RUFY3: variants seen among roughly 807,000 people sequenced by gnomAD.
RUFY3 encodes the protein protein RUFY3.
A neutral mutation model predicts 84.0 loss-of-function variants in RUFY3; 34 were observed. That is an observed-to-expected ratio of 0.40 (90% confidence interval 0.31 to 0.54). RUFY3 has a LOEUF of 0.54. Among genes scored for constraint, RUFY3 ranks in the 20% least tolerant of loss-of-function variants. The probability of loss-of-function intolerance (pLI) is 0.39; values close to 1 mark genes in which losing one functional copy is unlikely to be tolerated. For missense variants in RUFY3, 507 were observed against 736.8 expected (o/e 0.69, Z 3.61); for synonymous variants, 242 against 252.9 (o/e 0.96, Z 0.41).
At chr4:70,755,470 C>T (rs1723847309) in intron 1 of RUFY3, among the ~76,000 whole-genome samples, 1 of 152,134 alleles carries the variant, frequency 6.6e-6, no homozygotes, top group African/African-American at 2.4e-5. Context: ...GATAAAATGG[C>T]ACCTTGGTGA....
At chr4:70,712,149 A>T (rs1299807541) in intron 1 of RUFY3, among the ~76,000 whole-genome samples, 3 of 152,134 alleles carry the variant, frequency 2.0e-5, no homozygotes, top group Non-Finnish European at 4.4e-5. Flanking sequence ...GCTCTTCATT[A>T]TATAACAATT....
At chr4:70,711,317 A>G (rs554898757) in intron 1 of RUFY3, among the ~76,000 whole-genome samples, 18 of 151,954 alleles carry the variant, frequency 1.2e-4, no homozygotes, top group Non-Finnish European at 2.2e-4. Context: ...GAAAAGGCAA[A>G]AGTACTTTAT....
At chr4:70,791,985 A>G (rs895923367) in intron 12 of RUFY3, 17 of 984,242 alleles carry the variant, frequency 1.7e-5, no homozygotes, top group Non-Finnish European at 2.1e-5. Context: ...TAATTAGGTA[A>G]CCTATGATAA....
intron 15 of RUFY3, among the ~76,000 whole-genome samples, chr4:70,800,669 A>C (rs951497541): frequency 2.6e-5 from 4 of 152,142 alleles, no homozygotes; most frequent in Non-Finnish European, 5.9e-5. Flanking sequence ...GGATCACCTG[A>C]GATTAGAAGT....
intron 9 of RUFY3, 62 bp downstream of exon 9, chr4:70,783,245 G>A (rs1729239779): frequency 1.9e-6 from 2 of 1,057,070 alleles, no homozygotes; most frequent in Non-Finnish European, 2.9e-6. Flanking sequence ...AGTGGTAAAG[G>A]GGAGTCTCTA....
intron 1 of RUFY3, among the ~76,000 whole-genome samples, chr4:70,713,877 C>T (rs527700879): frequency 3.6e-4 from 55 of 152,316 alleles, no homozygotes; most frequent in African/African-American, 1.3e-3. Context: ...CTCCTTTTTA[C>T]TTTCCTTTGC....
intron 12 of RUFY3, among the ~76,000 whole-genome samples, chr4:70,790,441 A>C (rs951020978): frequency 5.3e-5 from 8 of 151,966 alleles, no homozygotes; most frequent in Non-Finnish European, 1.0e-4. Context: ...TTTCCCATTT[A>C]TTTCTTTCCC....
At chr4:70,767,408 C>T (rs1206061933) in intron 4 of RUFY3, among the ~76,000 whole-genome samples, 2 of 151,008 alleles carry the variant, frequency 1.3e-5, no homozygotes, top group Non-Finnish European at 3.0e-5. Flanking sequence ...CTGCGCCTGG[C>T]GATAGCTCCC....
intron 1 of RUFY3, among the ~76,000 whole-genome samples, chr4:70,724,318 G>T (rs7673552): frequency 6.6e-6 from 1 of 152,012 alleles, no homozygotes; most frequent in South Asian, 2.1e-4. Flanking sequence ...ATGTATTCCC[G>T]TCCAATTTGA....
At chr4:70,774,991 T>G (rs1171473258) in intron 6 of RUFY3, among the ~76,000 whole-genome samples, 177 bp from the exon 7 acceptor site, 2 of 152,084 alleles carry the variant, frequency 1.3e-5, no homozygotes, top group East Asian at 3.9e-4. Context: ...TTTAAACTCC[T>G]GACTCTTTCT....
In RUFY3 at chr4:70,762,547, C is replaced by T; in HGVS notation, c.207C>T (p.Arg69=). 6.2e-7 allele frequency: 1 copy of T among 1,612,838 alleles called. No homozygotes were observed. The highest frequency in any genetic ancestry group is 8.5e-7 in the Non-Finnish European group (1 of 1,179,144). The part of the protein sequence containing the change: ...EDPNYLMANE[R]MNLMNMAKLS... ...CTAATTATCTCATGGCTAATGAACG[C>T]ATGAACCTCATGAACATGGCCAAGC... The change falls in exon 2 of 18, where the codon CGC becomes CGT. Residue 69 remains arginine (R), a synonymous_variant. Transcript: ENST00000381006.
intron 8 of RUFY3, among the ~76,000 whole-genome samples, chr4:70,781,278 G>C (rs1351770899): frequency 6.6e-6 from 1 of 152,142 alleles, no homozygotes; most frequent in Non-Finnish European, 1.5e-5. Flanking sequence ...GAGGCCAAGA[G>C]TTCAAGATTA....
chr4:70,788,388 G>T (rs1276299078), intron 10 of RUFY3, among the ~76,000 whole-genome samples: 1 of 152,028 alleles, frequency 6.6e-6, no homozygotes, highest in East Asian at 1.9e-4. Context: ...GGTTCCCTGG[G>T]CTCTTGAATA....
At chr4:70,758,189 T>C (rs1724360789) in intron 1 of RUFY3, among the ~76,000 whole-genome samples, 1 of 152,224 alleles carries the variant, frequency 6.6e-6, no homozygotes, top group Non-Finnish European at 1.5e-5. Flanking sequence ...CTCCATACTC[T>C]GTCAGGTCAT....
intron 1 of RUFY3, among the ~76,000 whole-genome samples, chr4:70,730,693 T>G (rs1719104830): frequency 6.6e-6 from 1 of 151,994 alleles, no homozygotes; most frequent in Admixed American, 6.6e-5. Flanking sequence ...GAGCCGAGAT[T>G]GCACCACCGC....
intron 1 of RUFY3, among the ~76,000 whole-genome samples, chr4:70,744,647 A>C (rs995521550): frequency 1.6e-5 from 2 of 128,546 alleles, no homozygotes; most frequent in Non-Finnish European, 3.4e-5. Context: ...GAAGCTTCTT[A>C]TTTTGAATTT....
chr4:70,731,599 G>A (rs534874447), intron 1 of RUFY3, among the ~76,000 whole-genome samples: 50 of 151,984 alleles, frequency 3.3e-4, no homozygotes, highest in African/African-American at 1.0e-3. Context: ...ACAGAGTTTC[G>A]TTCTGTTGCC....
chr4:70,778,183 G>A (rs1014064144), intron 7 of RUFY3, among the ~76,000 whole-genome samples, 186 bp from the exon 8 acceptor site: 2 of 152,050 alleles, frequency 1.3e-5, no homozygotes, highest in Non-Finnish European at 2.9e-5. Flanking sequence ...GCAGGGAGCC[G>A]AGAATCGCAC....
chr4:70,755,160 G>A (rs760353720), intron 1 of RUFY3, among the ~76,000 whole-genome samples: 3 of 151,876 alleles, frequency 2.0e-5, no homozygotes, highest in Non-Finnish European at 4.4e-5. Flanking sequence ...CTGAGCCACC[G>A]CGTGAGCCAC....
Sources: allele counts gnomAD v4.1 joint callset (sites outside exome capture counted in the v4.1 genomes callset), GRCh38; gene constraint gnomAD v4.1.1; transcripts MANE v1.5; gene names NCBI Gene and HGNC (gene_info 2026-07-23, HGNC 2026-07-21).